The following ZER1 variants were observed in gnomAD, a reference collection of about 807,000 sequenced individuals.
The protein encoded by ZER1 is protein zer-1 homolog.
A neutral mutation model predicts 78.8 loss-of-function variants in ZER1; 11 were observed. The observed-to-expected ratio is 0.14, with a 90% CI of 0.09 to 0.23. The LOEUF is 0.23. Among genes scored for constraint, ZER1 ranks in the 10% least tolerant of loss-of-function variants. ZER1 has a pLI of 1.00. For missense variants in ZER1, 588 were observed against 996.9 expected (o/e 0.59, Z 5.52); for synonymous variants, 400 against 407.0 (o/e 0.98, Z 0.21).
At chr9:128,747,845 C>T (rs1338128445) in intron 8 of ZER1, among the ~76,000 whole-genome samples, 1 of 152,196 alleles carries the variant, frequency 6.6e-6, no homozygotes, top group Non-Finnish European at 1.5e-5. Flanking sequence ...TCTGGAACTC[C>T]TGATCTTAAG....
chr9:128,748,230 C>T (rs899981084), intron 8 of ZER1, among the ~76,000 whole-genome samples: 4 of 151,820 alleles, frequency 2.6e-5, no homozygotes, highest in African/African-American at 9.7e-5. Context: ...ACAGTGAAAC[C>T]CCGTCTCCAC....
At chr9:128,738,739 T>C (rs1177388995) in intron 13 of ZER1, among the ~76,000 whole-genome samples, 5 of 151,670 alleles carry the variant, frequency 3.3e-5, no homozygotes, top group African/African-American at 7.3e-5. Flanking sequence ...TGGAGTGCAG[T>C]AGCATGATGT....
At chr9:128,735,664 G>A (rs1863041471) in intron 13 of ZER1, among the ~76,000 whole-genome samples, 1 of 150,322 alleles carries the variant, frequency 6.7e-6, no homozygotes, top group Admixed American at 6.6e-5. Context: ...ACCCAGATTA[G>A]GAGGAGCAGA....
Position 128,752,388 on chromosome 9 carries a change from G to A in ZER1, c.923+285C>T, listed in dbSNP as rs373968166. 7.9e-5 allele frequency among the ~76,000 whole-genome samples: 12 copies of A among 151,540 alleles called. No homozygotes were observed. In the East Asian group the frequency reaches 1.5e-3, roughly 20 times the overall value. On this transcript the variant is annotated intron_variant, in intron 5 of 15. Coordinates refer to ENST00000291900, the MANE Select transcript of ZER1 (RefSeq NM_006336.4). ...TGCCTAGGCTGGAGTGCAGTGGCGC[G>A]ATCTCAGCTCACTGCAGGCTCCGCC...
intron 8 of ZER1, among the ~76,000 whole-genome samples, chr9:128,746,581 G>A (rs575600548): frequency 7.3e-5 from 11 of 150,126 alleles, no homozygotes; most frequent in Non-Finnish European, 1.3e-4. Context: ...ATCCCACCTC[G>A]GCCTCCGAGT....
chr9:128,765,564 G>A lies in ZER1; in HGVS notation c.-95+6017C>T, dbSNP rs12005763. Among the ~76,000 whole-genome samples, 836 of 152,210 alleles carry A rather than the reference G, an allele frequency of 5.5e-3. 9 individuals carry two copies. Among genetic ancestry groups the A allele is most frequent in the African/African-American group, 0.015 (612 of 41,528 alleles). On this transcript the variant is annotated intron_variant, in intron 1 of 15. Coordinates refer to ENST00000291900, the MANE Select transcript of ZER1 (RefSeq NM_006336.4). ...AAAGAGAAACTGAAGTCTGGAGGTG[G>A]GAGCATGGGATCCCACCAGTGTCCT... is the stretch of plus-strand genomic sequence containing the variant.
chr9:128,768,857 C>T (rs1299835340), intron 1 of ZER1, among the ~76,000 whole-genome samples: 1 of 152,286 alleles, frequency 6.6e-6, no homozygotes, highest in East Asian at 1.9e-4. Context: ...CATACACTGC[C>T]CCTCCCCACC....
intron 14 of ZER1, among the ~76,000 whole-genome samples, chr9:128,734,144 AAT>A (rs1220785593): frequency 0.04 from 579 of 14,440 alleles, 91 homozygotes; most frequent in African/African-American, 0.095. Context: ...AAAAAAAAAA[AAT>A]ATATATATAT....
At chr9:128,761,592 C>T (rs969265285) in intron 1 of ZER1, among the ~76,000 whole-genome samples, 30 of 148,402 alleles carry the variant, frequency 2.0e-4, no homozygotes, top group African/African-American at 6.5e-4. Flanking sequence ...AGCCCTATGA[C>T]CCCATAATTT....
chr9:128,749,920 G>A (rs961620834), intron 8 of ZER1, among the ~76,000 whole-genome samples: 1 of 152,212 alleles, frequency 6.6e-6, no homozygotes, highest in Non-Finnish European at 1.5e-5. Flanking sequence ...GCGCATGCCT[G>A]TAATCCCAGC....
intron 8 of ZER1, among the ~76,000 whole-genome samples, chr9:128,743,157 G>A (rs1453757598): frequency 2.7e-5 from 4 of 150,054 alleles, no homozygotes; most frequent in East Asian, 2.0e-4. Context: ...CTGCTCTGTC[G>A]CCCAGGCTGG....
Position 128,733,457 on chromosome 9 carries a change from T to A in ZER1, c.2212A>T (p.Thr738Ser). The A allele has an allele frequency of 1.2e-6, 2 of 1,613,968 alleles. No homozygotes were observed. The highest frequency in any genetic ancestry group is 1.7e-6 in the Non-Finnish European group (2 of 1,179,972). Residue 738 changes from threonine to serine, a missense_variant, in exon 15 of 16, where the codon ACC becomes TCC. Around this residue, in one of 3 missense-constraint regions of ZER1, gnomAD observed 122 missense variants for 173.5 expected, o/e 0.70. Transcript: ENST00000291900. ...ATTTCCTTGGTCTCCTGCCGTGCGG[T>A]CGCCATCTTAATTATGTCCCTCAGA... ...PLLRDIIKMA[T>S]ARQETKEMAR...
At chr9:128,757,608 G>T (rs1863899420) in intron 1 of ZER1, among the ~76,000 whole-genome samples, 1 of 152,022 alleles carries the variant, frequency 6.6e-6, no homozygotes. Context: ...AAAGCACTCA[G>T]CTTCTTTACT....
intron 8 of ZER1, among the ~76,000 whole-genome samples, chr9:128,747,049 A>G (rs1863515733): frequency 1.3e-5 from 2 of 152,044 alleles, no homozygotes; most frequent in African/African-American, 4.8e-5. Context: ...AAATACAAAA[A>G]TTAGCCAGGC....
intron 1 of ZER1, among the ~76,000 whole-genome samples, chr9:128,757,591 CAT>C (rs1216062921): frequency 4.6e-5 from 7 of 151,990 alleles, no homozygotes; most frequent in Non-Finnish European, 8.8e-5. Flanking sequence ...AGACAACAAA[CAT>C]GTGAAAAGCA....
chr9:128,769,319 T>C (rs1054908541), intron 1 of ZER1, among the ~76,000 whole-genome samples: 12 of 152,248 alleles, frequency 7.9e-5, no homozygotes, highest in African/African-American at 2.9e-4. Context: ...GTGACCGCTA[T>C]GTATTGAGCA....
chr9:128,736,670 G>T (rs577035747), intron 13 of ZER1, among the ~76,000 whole-genome samples: 2,738 of 145,086 alleles, frequency 0.019, 88 homozygotes, highest in African/African-American at 0.07. Context: ...ACCATGCCTG[G>T]CCTTTTTTTT....
At chr9:128,742,986 T>G (rs1380206415) in intron 8 of ZER1, among the ~76,000 whole-genome samples, 1 of 152,210 alleles carries the variant, frequency 6.6e-6, no homozygotes, top group Non-Finnish European at 1.5e-5. Flanking sequence ...GAACTCAATG[T>G]AACCACCACC....
chr9:128,761,789 A>G (rs1045160431), intron 1 of ZER1, among the ~76,000 whole-genome samples: 2 of 151,830 alleles, frequency 1.3e-5, no homozygotes, highest in African/African-American at 4.8e-5. Flanking sequence ...TATTTTTAGT[A>G]GAGATGGGGT....
Sources: gnomAD v4.1 joint callset for allele counts (sites outside exome capture counted in the v4.1 genomes callset) on GRCh38, gnomAD v4.1.1 for gene constraint, gnomAD v4.1.1 regional missense constraint, MANE v1.5 for transcripts, NCBI Gene and HGNC (gene_info 2026-07-23, HGNC 2026-07-21) for gene names.